Variants in PCNX2 observed in about 807,000 individuals in gnomAD.
PCNX2 encodes the protein pecanex-like protein 2.
A neutral mutation model predicts 223.8 loss-of-function variants in PCNX2; 168 were observed. That is an observed-to-expected ratio of 0.75 (90% CI 0.66 to 0.85). The LOEUF is 0.85. Among genes scored for constraint, PCNX2 ranks in the 40% least tolerant of loss-of-function variants. PCNX2 has a pLI of 0.00. For synonymous variants in PCNX2, 1,006 were observed against 1,052.6 expected, an observed-to-expected ratio of 0.96 and a Z score of 0.86; for missense variants, 2,507 against 2,675.5, an observed-to-expected ratio of 0.94 and a Z score of 1.39.
rs369812402 is a variant in PCNX2, at chr1:232,997,456, G to A, written c.5791+795C>T. ...GCATGCACAGAGGCACTTATTAAAC[G>A]CTTCTGGATGGTGAGGAAGAACTGA... On this transcript the variant is annotated intron_variant, in intron 32 of 33. Transcript: ENST00000258229. Among the ~76,000 whole-genome samples, 43 of 152,278 alleles carry A rather than the reference G, an allele frequency of 2.8e-4. No homozygotes were observed. The South Asian group carries it at 4.3e-3, about 15-fold the overall frequency.
chr1:233,212,935 T>C (rs1438229602), intron 12 of PCNX2, among the ~76,000 whole-genome samples: 2 of 152,190 alleles, frequency 1.3e-5, no homozygotes, highest in Non-Finnish European at 2.9e-5. Flanking sequence ...AAGGTCAACA[T>C]CAACAGAGAT....
At chr1:233,058,885 G>A (rs766221408) in intron 23 of PCNX2, among the ~76,000 whole-genome samples, 7 of 151,938 alleles carry the variant, frequency 4.6e-5, no homozygotes, top group Admixed American at 6.6e-5. Context: ...GGATGGTCTC[G>A]CTCTCTCGAC....
chr1:233,119,593 A>C (rs946421777), intron 21 of PCNX2, among the ~76,000 whole-genome samples: 17 of 109,460 alleles, frequency 1.6e-4, no homozygotes, highest in Non-Finnish European at 3.1e-4. Context: ...TCAAAAAAAA[A>C]AAAACAAAAA....
At chr1:233,214,690 A>G (rs1682017249) in intron 12 of PCNX2, among the ~76,000 whole-genome samples, 1 of 152,106 alleles carries the variant, frequency 6.6e-6, no homozygotes, top group Admixed American at 6.6e-5. Context: ...ATTCCCCATT[A>G]ATATATTGCC....
chr1:233,002,371 CAGAG>C (rs1472552365), intron 28 of PCNX2, among the ~76,000 whole-genome samples: 1 of 152,064 alleles, frequency 6.6e-6, no homozygotes, highest in Non-Finnish European at 1.5e-5. Context: ...AATAGACAAA[CAGAG>C]AGCCAAATAA....
At chr1:233,120,164 C>CAAAAAAAAAAAAAAAAAAAA (rs1228898502) in intron 21 of PCNX2, among the ~76,000 whole-genome samples, 2 of 42,660 alleles carry the variant, frequency 4.7e-5, no homozygotes, top group East Asian at 1.4e-3. Flanking sequence ...GACTCCATTT[C>CAAAAAAAAAAAAAAAAAAAA]AAAAAAAAAA....
intron 8 of PCNX2, among the ~76,000 whole-genome samples, chr1:233,244,134 T>G (rs925734145): frequency 1.3e-5 from 2 of 152,210 alleles, no homozygotes; most frequent in African/African-American, 4.8e-5. Context: ...AGGCCCACAT[T>G]TAATTTTTAA....
the PCNX2 span, among the ~76,000 whole-genome samples, chr1:233,316,935 C>A: frequency 6.6e-6 from 1 of 152,218 alleles, no homozygotes; most frequent in African/African-American, 2.4e-5. Context: ...TGGTAACAGG[C>A]AACTTTGTTT....
chr1:233,172,261 A>T (rs1424912309), intron 17 of PCNX2: 15 of 781,178 alleles, frequency 1.9e-5, no homozygotes, highest in Non-Finnish European at 2.3e-5. Context: ...CATTTTCCCT[A>T]AAAAAACTGG....
At chr1:233,092,561 C>G (rs558484597) in intron 22 of PCNX2, among the ~76,000 whole-genome samples, 1 of 152,164 alleles carries the variant, frequency 6.6e-6, no homozygotes, top group Middle Eastern at 3.4e-3. Context: ...TAGAGAGGAT[C>G]TTTTTTGGGG....
chr1:233,308,767 C>T, the PCNX2 span, among the ~76,000 whole-genome samples: 1 of 151,922 alleles, frequency 6.6e-6, no homozygotes, highest in Non-Finnish European at 1.5e-5. Context: ...TATAATCCTT[C>T]CAAATTTTCA....
At chr1:233,176,602 G>A (rs1395477015) in intron 17 of PCNX2, among the ~76,000 whole-genome samples, 1 of 152,230 alleles carries the variant, frequency 6.6e-6, no homozygotes, top group African/African-American at 2.4e-5. Context: ...CCCACCTGCT[G>A]TTTGGTGCCA....
chr1:233,119,313 A>T (rs1273889695), intron 21 of PCNX2, among the ~76,000 whole-genome samples: 1 of 148,988 alleles, frequency 6.7e-6, no homozygotes, highest in Non-Finnish European at 1.5e-5. Context: ...TAATCACAGC[A>T]CTTTGGGAGG....
chr1:233,288,575 G>A (rs75291444), intron 1 of PCNX2, among the ~76,000 whole-genome samples: 3,071 of 152,240 alleles, frequency 0.02, 119 homozygotes, highest in African/African-American at 0.071. Flanking sequence ...GAGAGCAACT[G>A]ACTCAAGAAA....
chr1:232,993,047 C>T (rs1246564769), intron 32 of PCNX2, among the ~76,000 whole-genome samples: 1 of 152,088 alleles, frequency 6.6e-6, no homozygotes, highest in East Asian at 1.9e-4. Context: ...AGAATTGGTA[C>T]CAGCAGAGTG....
intron 21 of PCNX2, among the ~76,000 whole-genome samples, chr1:233,125,662 G>A (rs536917768): frequency 3.2e-4 from 48 of 152,214 alleles, no homozygotes; most frequent in Admixed American, 7.9e-4. Flanking sequence ...GACACAAAAC[G>A]TCAATGAGAC....
chr1:233,259,818 AC>A, intron 4 of PCNX2: 1 of 887,078 alleles, frequency 1.1e-6, no homozygotes, highest in Non-Finnish European at 1.4e-6. Flanking sequence ...CTGCATTGAT[AC>A]TTATTTTTTA....
At chr1:233,131,151 T>C (rs79567430) in intron 21 of PCNX2, among the ~76,000 whole-genome samples, 5,986 of 152,280 alleles carry the variant, frequency 0.039, 152 homozygotes, top group African/African-American at 0.081. Context: ...GCTGCCAGGC[T>C]AACAATAATT....
intron 12 of PCNX2, among the ~76,000 whole-genome samples, chr1:233,215,154 G>C (rs537551460): frequency 5.3e-5 from 8 of 152,252 alleles, no homozygotes; most frequent in African/African-American, 1.9e-4. Flanking sequence ...CTGGGTTCCC[G>C]ATCCTGACCA....
Sources: allele counts gnomAD v4.1 joint callset (sites outside exome capture counted in the v4.1 genomes callset), GRCh38; gene constraint gnomAD v4.1.1; transcripts MANE v1.5; gene names NCBI Gene and HGNC (gene_info 2026-07-23, HGNC 2026-07-21).